Variants in PAQR6 observed in about 807,000 individuals in gnomAD.
PAQR6 encodes the protein progestin and adipoQ receptor family member 6, also known as membrane progestin receptor delta.
PAQR6 carries 34 observed loss-of-function variants against 36.2 expected under a neutral mutation model. That is an observed-to-expected ratio of 0.94 (90% CI 0.71 to 1.25). PAQR6 has a LOEUF of 1.25. PAQR6 is among the 50% of genes most tolerant of loss of function. PAQR6 has a pLI of 0.00. For missense variants in PAQR6, 431 were observed against 445.7 expected (o/e 0.97, Z 0.30); for synonymous variants, 190 against 190.7 (o/e 1.00, Z 0.03).
At position 156,243,481 on chromosome 1, in the gene PAQR6, C is replaced by T; in HGVS notation, c.*648G>A. 4.2e-6 allele frequency: 2 copies of T among 476,250 alleles called. No individual in the cohort carries two copies. Among genetic ancestry groups the T allele is most frequent in the Non-Finnish European group, 7.4e-6 (2 of 268,692 alleles). The allele number at this position is 476,250 out of a possible 1,614,324, so 29.5% of individuals were successfully genotyped here. A position where few individuals can be genotyped will look rare whatever the true frequency, so the allele number is the denominator to read the frequency against. On this transcript the variant is annotated 3_prime_UTR_variant, in exon 8 of 8. Transcript: ENST00000292291. ...TCCAGAAAACGTTGAAGGTGGCTTC[C>T]CAAAGTCTAACTAGGGATACCCCCT...
chr1:156,244,454 C>CCCCAT (rs1248296506), intron 7 of PAQR6, 51 bp from the exon 8 acceptor site: 1 of 1,447,398 alleles, frequency 6.9e-7, no homozygotes, highest in African/African-American at 1.4e-5. Context: ...GTGCAAGTCA[C>CCCCAT]CCCATCCTCT....
rs1659821749 is a variant in PAQR6 at position 156,244,224 on chromosome 1, C to T, written c.940G>A (p.Ala314Thr). Residue 314 changes from alanine to threonine, a missense_variant, in exon 8 of 8, where the codon GCT becomes ACT. Ala to Thr is a moderately conservative substitution (Grantham distance 58). Transcript: ENST00000292291. ...CGAAGCAGGGTGGCTGTGAAAGCAGCAATAATGAGTAGGTTCCCAGCTGCA... is the reference window on the plus strand; with the variant it reads ...CGAAGCAGGGTGGCTGTGAAAGCAGTAATAATGAGTAGGTTCCCAGCTGCA... ...LAAAGNLLII[A>T]AFTATLLRAP... 1 of 1,613,702 alleles carries T rather than the reference C, an allele frequency of 6.2e-7. No individual in the cohort carries two copies. The highest frequency in any genetic ancestry group is 1.3e-5 in the African/African-American group (1 of 74,948).
chr1:156,243,368 C>T lies in PAQR6; in HGVS notation c.*761G>A. 1 of 834,118 alleles carries T rather than the reference C, an allele frequency of 1.2e-6. No homozygotes were observed. Among genetic ancestry groups the T allele is most frequent in the African/African-American group, 1.7e-5 (1 of 58,322 alleles). The allele number at this position is 834,118 out of a possible 1,614,324, so 51.7% of individuals were successfully genotyped here. A position where few individuals can be genotyped will look rare whatever the true frequency, so the allele number is the denominator to read the frequency against. ...TTTATGGAGTGTGGGAGGGAGGTGT[C>T]AGGAGGATGGGGGTGAGGAGGTTTT... On this transcript the variant is annotated 3_prime_UTR_variant, in exon 8 of 8. Transcript: ENST00000292291.
chr1:156,245,497 G>A (rs1369255772), intron 5 of PAQR6, 38 bp downstream of exon 5: 4 of 1,609,312 alleles, frequency 2.5e-6, no homozygotes, highest in Non-Finnish European at 2.5e-6. Flanking sequence ...CTGTGCCTCC[G>A]CCTTCCCCGT....
chr1:156,245,436 A>C, intron 5 of PAQR6, 99 bp downstream of exon 5: 1 of 1,536,576 alleles, frequency 6.5e-7, no homozygotes, highest in Non-Finnish European at 8.9e-7. Flanking sequence ...TCCTCAGTAC[A>C]TGGTCCCGAT....
intron 1 of PAQR6, chr1:156,247,386 C>A (rs573229979): frequency 6.5e-6 from 1 of 152,718 alleles, no homozygotes; most frequent in Admixed American, 6.5e-5. Context: ...GCTGCCCCGC[C>A]CGCCTCTCCC....
Position 156,243,434 on chromosome 1 carries a change from T to A in PAQR6, c.*695A>T. On this transcript the variant is annotated 3_prime_UTR_variant, in exon 8 of 8. Coordinates refer to ENST00000292291, the MANE Select transcript of PAQR6 (RefSeq NM_198406.3). ...AGAAAGTGCTTTCCAAAGTTTTATT[T>A]TTTTATTTGTACCTGCCTTGTTCCA... The A allele has an allele frequency of 2.0e-6, 1 of 512,102 alleles. No homozygotes were observed. The highest frequency in any genetic ancestry group is 3.4e-6 in the Non-Finnish European group (1 of 297,398). 31.7% of individuals were successfully genotyped at this position (512,102 alleles called of 1,614,324 possible). A position where few individuals can be genotyped will look rare whatever the true frequency, so the allele number is the denominator to read the frequency against.
At position 156,244,199 on chromosome 1, in the gene PAQR6, C is replaced by T. The variant is rs564476902; in HGVS notation, c.965G>A (p.Arg322Gln). The stretch of plus-strand genomic sequence containing the variant: ...CAGCAGAGGGCATGTACTGGGGGCC[C>T]GAAGCAGGGTGGCTGTGAAAGCAGC... ...IIAAFTATLLRAPSTCPLLQG... is the reference protein window; with the variant it reads ...IIAAFTATLLQAPSTCPLLQG... The change falls in exon 8 of 8, where the codon CGG becomes CAG. Residue 322 changes from arginine (R) to glutamine (Q), a missense_variant. Physicochemically the swap from Arg to Gln is conservative, Grantham distance 43 (BLOSUM62 1). Coordinates refer to ENST00000292291, the MANE Select transcript of PAQR6 (RefSeq NM_198406.3). 17 of 1,613,004 alleles carry T rather than the reference C, an allele frequency of 1.1e-5. No individual in the cohort carries two copies. Among genetic ancestry groups the T allele is most frequent in the South Asian group, 3.3e-5 (3 of 90,990 alleles).
Position 156,245,193 on chromosome 1 carries a change from T to C in PAQR6, c.558A>G (p.Thr186=). Residue 186 remains threonine, a synonymous_variant, in exon 6 of 8, where the codon ACA becomes ACG. Coordinates refer to ENST00000292291, the MANE Select transcript of PAQR6 (RefSeq NM_198406.3). ...ESPGLSKVLR[T]GAFAYPFLFD... is the part of the protein sequence containing the mutation. ...ACAGGAATGGATAGGCGAAGGCTCC[T>C]GTGCGGAGGACCTTACTGAGCCCAG... 3 of 1,614,118 alleles carry C rather than the reference T, an allele frequency of 1.9e-6. No homozygotes were observed. Among genetic ancestry groups the C allele is most frequent in the African/African-American group, 1.3e-5 (1 of 75,058 alleles).
rs770981340 is a variant in PAQR6 at position 156,243,847 on chromosome 1, A to C, written c.*282T>G. The C allele has an allele frequency of 8.2e-6, 13 of 1,578,704 alleles. No homozygotes were observed. In the Admixed American group the frequency reaches 1.2e-4, roughly 15 times the overall value. Reference sequence around the variant, plus strand: ...CCTCCCCCCGCCAACCTTTGACAGAATATAGGGGCATCTTCAGCCTGGACA... The same window carrying C: ...CCTCCCCCCGCCAACCTTTGACAGACTATAGGGGCATCTTCAGCCTGGACA... On this transcript the variant is annotated 3_prime_UTR_variant, in exon 8 of 8. Transcript: ENST00000292291.
In PAQR6 at chr1:156,243,577, C is replaced by A; in HGVS notation, c.*552G>T. ...CATAATGCACCCAGATAGGCCCACCCCCAAAAGCCTGGACACCTTGAGCAC... is the reference window on the plus strand; with the variant it reads ...CATAATGCACCCAGATAGGCCCACCACCAAAAGCCTGGACACCTTGAGCAC... On this transcript the variant is annotated 3_prime_UTR_variant, in exon 8 of 8. Transcript: ENST00000292291. 1 of 491,964 alleles carries A rather than the reference C, an allele frequency of 2.0e-6. No homozygotes were observed. The highest frequency in any genetic ancestry group is 3.5e-5 in the Admixed American group (1 of 28,358). 30.5% of individuals were successfully genotyped at this position (491,964 alleles called of 1,614,324 possible). A position where few individuals can be genotyped will look rare whatever the true frequency, so the allele number is the denominator to read the frequency against.
Position 156,243,721 on chromosome 1 carries a change from G to GCATT in PAQR6, c.*404_*407dup. The GCATT allele has an allele frequency of 1.9e-6, 2 of 1,076,812 alleles. No homozygotes were observed. The highest frequency in any genetic ancestry group is 2.6e-6 in the Non-Finnish European group (2 of 759,628). 66.7% of individuals were successfully genotyped at this position (1,076,812 alleles called of 1,614,324 possible). ...GGCCTCTCGGCCTGGTTAGCAAGAA[G>GCATT]CATTCAGGGTAGGCCTAGGTTAGTC... On this transcript the variant is annotated 3_prime_UTR_variant, in exon 8 of 8. Coordinates refer to ENST00000292291, the MANE Select transcript of PAQR6 (RefSeq NM_198406.3).
intron 7 of PAQR6, 154 bp downstream of exon 7, chr1:156,244,607 T>A: frequency 6.7e-7 from 1 of 1,481,616 alleles, no homozygotes. Flanking sequence ...TGGAGGACCC[T>A]TCCAGTGATG....
chr1:156,245,635 A>C lies in PAQR6; in HGVS notation c.412T>G (p.Ser138Ala), dbSNP rs746136582. 1.9e-6 allele frequency: 3 copies of C among 1,613,210 alleles called. No individual in the cohort carries two copies. The South Asian group carries it at 3.3e-5, about 18-fold the overall frequency. Residue 138 changes from serine to alanine, a missense_variant, in exon 5 of 8, where the codon TCC becomes GCC. Ser to Ala is a moderately conservative substitution (Grantham distance 99, BLOSUM62 1). Transcript: ENST00000292291. ...LGCAFPYAAY[S>A]MPASWLHGHL... is the part of the protein sequence containing the mutation. ...CCGTGCAGCCAGGAGGCCGGCATGG[A>C]GTAGGCGGCATAGGGGAAGGCGCAG...
chr1:156,245,471 T>A, intron 5 of PAQR6, 64 bp downstream of exon 5: 1 of 1,593,020 alleles, frequency 6.3e-7, no homozygotes, highest in Non-Finnish European at 8.6e-7. Flanking sequence ...TCGAGAGCAG[T>A]GAGGTGTGTC....
Position 156,246,107 on chromosome 1 carries a change from C to A in PAQR6, c.179+16G>T, listed in dbSNP as rs1420149517. 1.9e-6 allele frequency: 3 copies of A among 1,610,156 alleles called. No homozygotes were observed. Among genetic ancestry groups the A allele is most frequent in the Non-Finnish European group, 2.5e-6 (3 of 1,179,986 alleles). ...CTGAGCTCAAGGCCGCGGCCTGGGG[C>A]GGAGCCTCCCCTCACCAGGTGGGCA... On this transcript the variant is annotated intron_variant, in intron 3 of 7. Transcript: ENST00000292291.
Position 156,246,253 on chromosome 1 carries a change from A to G in PAQR6, c.52-3T>C, listed in dbSNP as rs762072655. 1 of 1,607,946 alleles carries G rather than the reference A, an allele frequency of 6.2e-7. No individual in the cohort carries two copies. Among genetic ancestry groups the G allele is most frequent in the South Asian group, 1.1e-5 (1 of 90,928 alleles). On this transcript the variant is annotated splice_region_variant and splice_polypyrimidine_tract_variant and intron_variant, in intron 2 of 7. Coordinates refer to ENST00000292291, the MANE Select transcript of PAQR6 (RefSeq NM_198406.3). ...ATGATGCCATCTTCCCAGAACACCTAGGGTAGTGGTGGGAGAGGAAGGGCG... is the reference window on the plus strand; with the variant it reads ...ATGATGCCATCTTCCCAGAACACCTGGGGTAGTGGTGGGAGAGGAAGGGCG...
rs755161963 is a variant in PAQR6, at chr1:156,248,045, T to TG, written c.-115dup. On this transcript the variant is annotated 5_prime_UTR_variant, in exon 1 of 8. Transcript: ENST00000292291. ...CCAAGGCTGCTGCCAGCCAGGCTGA[T>TG]GGAGGAAGAGTGGCCAGGCAGGCGG... 3 of 461,328 alleles carry TG rather than the reference T, an allele frequency of 6.5e-6. No homozygotes were observed. Among genetic ancestry groups the TG allele is most frequent in the South Asian group, 4.8e-5 (3 of 62,238 alleles). The allele number at this position is 461,328 out of a possible 1,614,324, so 28.6% of individuals were successfully genotyped here.
At chr1:156,245,366 AT>A in intron 5 of PAQR6, 128 bp from the exon 6 acceptor site, 1 of 1,370,534 alleles carries the variant, frequency 7.3e-7, no homozygotes, top group East Asian at 2.3e-5. Context: ...GTTAGGGCAT[AT>A]GACCTCCTGT....
Sources: gnomAD v4.1 joint callset for allele counts on GRCh38, gnomAD v4.1.1 for gene constraint, MANE v1.5 for transcripts, NCBI Gene and HGNC (gene_info 2026-07-23, HGNC 2026-07-21) for gene names.